VPS13B: variants seen among roughly 807,000 people sequenced by gnomAD.
VPS13B encodes vacuolar protein sorting 13 homolog B.
A neutral mutation model predicts 426.4 loss-of-function variants in VPS13B; 285 were observed. The ratio of observed to expected loss-of-function variants is 0.67; its 90% confidence interval spans 0.61 to 0.74. VPS13B has a LOEUF of 0.74. Among genes scored for constraint, VPS13B ranks in the 30% least tolerant of loss-of-function variants. The pLI, the probability that VPS13B is intolerant of heterozygous loss-of-function variation, is 0.00. For synonymous variants in VPS13B, 1,676 were observed against 1,676.4 expected, an observed-to-expected ratio of 1.00 and a Z score of 0.01; for missense variants, 4,537 against 4,782.6, an observed-to-expected ratio of 0.95 and a Z score of 1.51.
At chr8:99,660,667 A>T (rs541486837) in intron 34 of VPS13B, among the ~76,000 whole-genome samples, 2 of 152,262 alleles carry the variant, frequency 1.3e-5, no homozygotes, top group Admixed American at 6.5e-5. Flanking sequence ...CACAACCAAT[A>T]GCCAAAAATA....
chr8:99,387,776 A>G (rs1814210257), intron 20 of VPS13B, among the ~76,000 whole-genome samples: 1 of 152,162 alleles, frequency 6.6e-6, no homozygotes, highest in South Asian at 2.1e-4. Context: ...CCGATATACA[A>G]GTATTGGTGA....
chr8:99,779,058 G>A lies in VPS13B; in HGVS notation c.7779+27G>A, dbSNP rs766736550. 32 of 1,598,462 alleles carry A rather than the reference G, an allele frequency of 2.0e-5. No individual in the cohort carries two copies. The South Asian group carries it at 2.7e-4, about 13-fold the overall frequency. On this transcript the variant is annotated intron_variant, in intron 42 of 61. Coordinates refer to ENST00000357162, the MANE Select transcript of VPS13B (RefSeq NM_152564.5). ...TATGCACATTCCATAACAGTTTACA[G>A]TTTGGCCACATATGATCTTTTATTA...
chr8:99,592,038 T>TTTTTC (rs1476291011), intron 33 of VPS13B, among the ~76,000 whole-genome samples: 16 of 151,984 alleles, frequency 1.1e-4, no homozygotes, highest in Non-Finnish European at 1.8e-4. Context: ...CTTGGAGGCT[T>TTTTTC]TTTTCTTTTC....
chr8:99,591,044 G>A (rs1474663411), intron 33 of VPS13B, among the ~76,000 whole-genome samples: 1 of 151,842 alleles, frequency 6.6e-6, no homozygotes, highest in African/African-American at 2.4e-5. Context: ...TATATATTTA[G>A]TATAGTTAGC....
intron 12 of VPS13B, among the ~76,000 whole-genome samples, chr8:99,138,266 A>G (rs1030783092): frequency 6.6e-6 from 1 of 152,176 alleles, no homozygotes; most frequent in East Asian, 1.9e-4. Context: ...GGCTGGGACT[A>G]CAGGCATGCG....
chr8:99,430,997 C>T (rs755133564), intron 21 of VPS13B, among the ~76,000 whole-genome samples: 2 of 152,100 alleles, frequency 1.3e-5, no homozygotes, highest in Non-Finnish European at 2.9e-5. Context: ...GGATTACAGG[C>T]GTGAGCCAAC....
At chr8:99,508,362 A>G in intron 28 of VPS13B, among the ~76,000 whole-genome samples, 1 of 152,194 alleles carries the variant, frequency 6.6e-6, no homozygotes, top group South Asian at 2.1e-4. Flanking sequence ...GATTAGGTAG[A>G]TGAACACAAG....
At chr8:99,459,331 C>T (rs549268669) in intron 23 of VPS13B, among the ~76,000 whole-genome samples, 13 of 152,106 alleles carry the variant, frequency 8.5e-5, no homozygotes, top group Non-Finnish European at 1.8e-4. Context: ...GTATTGAAAT[C>T]TTCAAGTGTT....
In VPS13B at chr8:99,181,116, T is replaced by A. The variant is rs1229383938; in HGVS notation, c.2333+10953T>A. ...TGACCAATAATTAGTTATGATAAAA[T>A]GGAAAAATGTAAATAGCAAATAATG... On this transcript the variant is annotated intron_variant, in intron 16 of 61. Coordinates refer to ENST00000357162, the MANE Select transcript of VPS13B (RefSeq NM_152564.5). Among the ~76,000 whole-genome samples, 7 of 152,218 alleles carry A rather than the reference T, an allele frequency of 4.6e-5. No individual in the cohort carries two copies. In the East Asian group the frequency reaches 7.7e-4, roughly 17 times the overall value.
intron 48 of VPS13B, 101 bp from the exon 49 acceptor site, chr8:99,819,820 A>T (rs895218621): frequency 1.2e-5 from 17 of 1,441,276 alleles, no homozygotes; most frequent in Non-Finnish European, 3.9e-6. Context: ...ATGAGGAGGT[A>T]TCATGCAGGA....
rs2133510852 is a variant in VPS13B, at chr8:99,467,472, A to G, written c.3504A>G (p.Gly1168=). ...ATTTCAGCATATATACCCTTCTTGG[A>G]AAACAAGTGACACTTTGCCTAGTGG... ...LHNFSIYTLL[G]KQVTLCLVEP... Residue 1168 remains glycine (G), a synonymous_variant, in exon 24 of 62, where the codon GGA becomes GGG. Transcript: ENST00000357162. The G allele has an allele frequency of 6.2e-7, 1 of 1,613,752 alleles. No homozygotes were observed. Among genetic ancestry groups the G allele is most frequent in the Non-Finnish European group, 8.5e-7 (1 of 1,179,788 alleles).
intron 17 of VPS13B, among the ~76,000 whole-genome samples, chr8:99,236,624 C>T (rs573209494): frequency 6.6e-6 from 1 of 152,210 alleles, no homozygotes; most frequent in Admixed American, 6.5e-5. Flanking sequence ...AATGTTTTTA[C>T]CAAGTAGCTT....
chr8:99,606,666 G>A (rs1429459344), intron 33 of VPS13B, among the ~76,000 whole-genome samples: 2 of 94,550 alleles, frequency 2.1e-5, no homozygotes, highest in Admixed American at 1.6e-4. Flanking sequence ...TTTCACTCTT[G>A]TTTCCCAGGC....
chr8:99,263,452 G>T (rs967842604), intron 17 of VPS13B, among the ~76,000 whole-genome samples: 22 of 152,154 alleles, frequency 1.4e-4, no homozygotes, highest in South Asian at 1.0e-3. Flanking sequence ...TAGTTTAGAA[G>T]ACTGAAATGG....
intron 17 of VPS13B, among the ~76,000 whole-genome samples, chr8:99,206,541 G>T (rs975555586): frequency 6.6e-6 from 1 of 152,146 alleles, no homozygotes; most frequent in East Asian, 1.9e-4. Context: ...CATTGACTTA[G>T]CCAAGCAACC....
chr8:99,789,981 A>T (rs1267965458), intron 43 of VPS13B, among the ~76,000 whole-genome samples: 2 of 152,050 alleles, frequency 1.3e-5, no homozygotes, highest in Non-Finnish European at 2.9e-5. Context: ...GAAAGAAATT[A>T]AATTTGAGAC....
intron 34 of VPS13B, among the ~76,000 whole-genome samples, chr8:99,642,932 C>T (rs1277393101): frequency 6.6e-6 from 1 of 152,114 alleles, no homozygotes; most frequent in Non-Finnish European, 1.5e-5. Context: ...CATGCAATAG[C>T]ATCGTATTAA....
chr8:99,491,574 T>G (rs577013689), intron 25 of VPS13B, among the ~76,000 whole-genome samples: 1 of 152,356 alleles, frequency 6.6e-6, no homozygotes, highest in Admixed American at 6.5e-5. Context: ...TCACTCTTTT[T>G]TCTCTTATCT....
intron 3 of VPS13B, among the ~76,000 whole-genome samples, chr8:99,047,446 C>T (rs562525412): frequency 6.8e-6 from 1 of 146,172 alleles, no homozygotes; most frequent in East Asian, 1.9e-4. Context: ...TGCTAATGGT[C>T]TATCTGTTTT....
Sources: gnomAD v4.1 joint callset for allele counts (sites outside exome capture counted in the v4.1 genomes callset) on GRCh38, gnomAD v4.1.1 for gene constraint, MANE v1.5 for transcripts, NCBI Gene and HGNC (gene_info 2026-07-23, HGNC 2026-07-21) for gene names.